The following RIPOR2 variants were observed in gnomAD, a reference collection of about 807,000 sequenced individuals.
The protein encoded by RIPOR2 is rho family-interacting cell polarization regulator 2.
Under a neutral mutation model 114.5 loss-of-function variants are expected in RIPOR2, and 39 were observed. The ratio of observed to expected loss-of-function variants is 0.34; its 90% CI spans 0.26 to 0.44. The LOEUF is 0.44. Ranked by LOEUF, RIPOR2 falls within the 20% of genes least tolerant of loss-of-function variation. RIPOR2 has a pLI of 1.00. For missense variants in RIPOR2, 1,007 were observed against 1,255.1 expected (o/e 0.80, Z 2.99); for synonymous variants, 445 against 484.4 (o/e 0.92, Z 1.07).
chr6:25,001,015 G>T (rs1482378843), intron 1 of RIPOR2, among the ~76,000 whole-genome samples: 1 of 152,170 alleles, frequency 6.6e-6, no homozygotes, highest in East Asian at 1.9e-4. Flanking sequence ...TGTAATTAAA[G>T]ATACCATTCC....
At chr6:24,949,650 ATAT>A (rs1554123610) in intron 1 of RIPOR2, among the ~76,000 whole-genome samples, 1 of 152,204 alleles carries the variant, frequency 6.6e-6, no homozygotes, top group Non-Finnish European at 1.5e-5. Context: ...AACAGTATAA[ATAT>A]TATATTCCCA....
At chr6:24,865,172 A>G in intron 7 of RIPOR2, 129 bp downstream of exon 7, 1 of 725,764 alleles carries the variant, frequency 1.4e-6, no homozygotes, top group South Asian at 2.3e-5. Flanking sequence ...TTAGGCTAAC[A>G]GTAAAACCTA....
intron 1 of RIPOR2, among the ~76,000 whole-genome samples, chr6:25,031,735 AT>A (rs1561855818): frequency 0.041 from 4,506 of 108,712 alleles, 285 homozygotes; most frequent in Non-Finnish European, 0.054. Context: ...ATATATATAT[AT>A]ATATATATAT....
At chr6:24,844,630 C>T (rs1762075543) in intron 12 of RIPOR2, among the ~76,000 whole-genome samples, 1 of 151,956 alleles carries the variant, frequency 6.6e-6, no homozygotes, top group African/African-American at 2.4e-5. Context: ...GCCACCACGC[C>T]CCCAGCTAAT....
chr6:24,920,257 A>T (rs746206545), intron 1 of RIPOR2, among the ~76,000 whole-genome samples: 3 of 152,338 alleles, frequency 2.0e-5, no homozygotes. Context: ...TTCCAGCTGA[A>T]ATTCTATGAA....
intron 6 of RIPOR2, among the ~76,000 whole-genome samples, chr6:24,866,654 A>C (rs1317545992): frequency 1.3e-5 from 2 of 152,050 alleles, no homozygotes; most frequent in African/African-American, 4.8e-5. Context: ...TAGCTAAAAA[A>C]AAAACCTGTT....
chr6:24,823,948 G>T (rs1048506068), intron 19 of RIPOR2, among the ~76,000 whole-genome samples: 6 of 152,064 alleles, frequency 3.9e-5, no homozygotes, highest in African/African-American at 9.7e-5. Context: ...GTAGAGACAG[G>T]GTTTCCCCAT....
chr6:24,847,113 G>A (rs1762382220), intron 12 of RIPOR2, among the ~76,000 whole-genome samples: 1 of 151,662 alleles, frequency 6.6e-6, no homozygotes. Flanking sequence ...CTCCATTCCT[G>A]GCTAATTTTT....
Position 25,037,562 on chromosome 6 carries a change from T to C in RIPOR2, c.76+4289A>G, listed in dbSNP as rs1170420565. On this transcript the variant is annotated intron_variant, in intron 1 of 13. Coordinates refer to the RIPOR2 transcript ENST00000510784. The surrounding 1 kb of genome is among the most constrained non-coding windows in gnomAD (Gnocchi z 4.5). ...TCAGTATCACACATGTGTGTCTTTG[T>C]AGTGACCTTTGGCCTCTTTTAAAAT... Among the ~76,000 whole-genome samples, 1 of 152,222 alleles carries C rather than the reference T, an allele frequency of 6.6e-6. No homozygotes were observed. The highest frequency in any genetic ancestry group is 1.5e-5 in the Non-Finnish European group (1 of 68,036).
intron 12 of RIPOR2, chr6:24,847,816 A>C (rs967825475): frequency 7.9e-5 from 92 of 1,168,570 alleles, no homozygotes; most frequent in Admixed American, 1.1e-4. Context: ...CTTCTTTAAA[A>C]GGCTGATCTT....
chr6:24,944,979 A>G (rs1284659524), intron 1 of RIPOR2, among the ~76,000 whole-genome samples: 1 of 152,178 alleles, frequency 6.6e-6, no homozygotes, highest in Admixed American at 6.5e-5. Context: ...ACAGTAATTT[A>G]TTATATATTT....
chr6:24,871,471 C>T (rs1217485433), intron 4 of RIPOR2, among the ~76,000 whole-genome samples: 1 of 152,182 alleles, frequency 6.6e-6, no homozygotes, highest in African/African-American at 2.4e-5. Context: ...CCTGCCTCAG[C>T]CTCCTGAGTA....
chr6:25,008,016 T>C (rs902435532), intron 1 of RIPOR2, among the ~76,000 whole-genome samples: 1 of 152,182 alleles, frequency 6.6e-6, no homozygotes, highest in Non-Finnish European at 1.5e-5. Flanking sequence ...GTTTCTGCCT[T>C]ATTTTTATTT....
intron 1 of RIPOR2, among the ~76,000 whole-genome samples, chr6:25,012,608 G>A (rs1275542367): frequency 1.3e-5 from 2 of 152,158 alleles, no homozygotes; most frequent in African/African-American, 2.4e-5. Flanking sequence ...TATGCTAATT[G>A]AAACAAATCA....
intron 1 of RIPOR2, among the ~76,000 whole-genome samples, chr6:24,970,586 C>T (rs936618305): frequency 6.6e-6 from 1 of 152,112 alleles, no homozygotes; most frequent in African/African-American, 2.4e-5. Flanking sequence ...TGTGGGGAAC[C>T]CTGGGTCAAT....
At position 24,825,500 on chromosome 6, in the gene RIPOR2, A is replaced by T; in HGVS notation, c.2666-72T>A. 3 of 1,090,772 alleles carry T rather than the reference A, an allele frequency of 2.8e-6. No individual in the cohort carries two copies. In the South Asian group the frequency reaches 4.1e-5, roughly 15 times the overall value. 67.6% of individuals were successfully genotyped at this position (1,090,772 alleles called of 1,614,324 possible). On this transcript the variant is annotated intron_variant, in intron 18 of 21. Coordinates refer to ENST00000643898, the MANE Select transcript of RIPOR2 (RefSeq NM_001286445.3). ...TAATCAGCTCATTACAAATATAAAT[A>T]GAACTCAAGTACATAAGAAAGTATA...
At chr6:25,023,615 G>C (rs1478120631) in intron 1 of RIPOR2, 1 of 763,996 alleles carries the variant, frequency 1.3e-6, no homozygotes, top group Non-Finnish European at 2.4e-6. Flanking sequence ...GTCTAAATGA[G>C]TGTGGTAAAG....
intron 1 of RIPOR2, chr6:25,023,820 C>A: frequency 2.7e-6 from 2 of 750,560 alleles, no homozygotes. Flanking sequence ...TTAACTCGAT[C>A]TCGAGGATGT....
chr6:24,838,032 G>A (rs916218083), intron 14 of RIPOR2, among the ~76,000 whole-genome samples: 2 of 152,184 alleles, frequency 1.3e-5, no homozygotes, highest in African/African-American at 4.8e-5. Context: ...ATGTTCCATT[G>A]TGCTTATTTT....
Sources: gnomAD v4.1 joint callset for allele counts (sites outside exome capture counted in the v4.1 genomes callset) on GRCh38, gnomAD v4.1.1 for gene constraint, Gnocchi (gnomAD v3.1) non-coding constraint, MANE v1.5 for transcripts, NCBI Gene and HGNC (gene_info 2026-07-23, HGNC 2026-07-21) for gene names.